ZBTB16: variants seen among roughly 807,000 people sequenced by gnomAD.
ZBTB16 encodes zinc finger and BTB domain-containing protein 16.
ZBTB16 carries 8 observed loss-of-function variants against 56.8 expected under a neutral mutation model. The observed-to-expected ratio is 0.14, with a 90% CI of 0.08 to 0.25. ZBTB16 has a LOEUF of 0.25. Among genes scored for constraint, ZBTB16 ranks in the 10% least tolerant of loss-of-function variants. The probability of loss-of-function intolerance (pLI) is 1.00; values close to 1 mark genes in which losing one functional copy is unlikely to be tolerated. For missense variants in ZBTB16, 625 were observed against 903.0 expected (o/e 0.69, Z 3.95); for synonymous variants, 363 against 368.5 (o/e 0.98, Z 0.17).
intron 6 of ZBTB16, 40 bp downstream of exon 6, chr11:114,247,405 C>A: frequency 6.2e-7 from 1 of 1,613,452 alleles, no homozygotes; most frequent in Non-Finnish European, 8.5e-7. Context: ...GGCTCTGGGA[C>A]CTGGGCGGAG....
At chr11:114,227,524 A>G (rs888734555) in intron 4 of ZBTB16, among the ~76,000 whole-genome samples, 1 of 152,232 alleles carries the variant, frequency 6.6e-6, no homozygotes, top group Admixed American at 6.5e-5. Context: ...TGTCAGAACC[A>G]AGAGATAGAG....
intron 4 of ZBTB16, among the ~76,000 whole-genome samples, chr11:114,196,517 C>T (rs1045680793): frequency 1.3e-5 from 2 of 152,194 alleles, no homozygotes; most frequent in Non-Finnish European, 2.9e-5. Flanking sequence ...GAATTCAGCT[C>T]TCTCCTCCAG....
At chr11:114,088,361 C>G (rs945790917) in intron 2 of ZBTB16, among the ~76,000 whole-genome samples, 1 of 152,064 alleles carries the variant, frequency 6.6e-6, no homozygotes, top group East Asian at 1.9e-4. Flanking sequence ...AGGCTGGTCC[C>G]CAACTCCTCG....
At chr11:114,165,219 A>G (rs1317808013) in intron 3 of ZBTB16, among the ~76,000 whole-genome samples, 2 of 151,910 alleles carry the variant, frequency 1.3e-5, no homozygotes, top group Non-Finnish European at 2.9e-5. Flanking sequence ...TGTCCCTAGA[A>G]TGCTCCCAGC....
intron 3 of ZBTB16, among the ~76,000 whole-genome samples, chr11:114,174,658 TGAAA>T (rs1282615782): frequency 6.6e-6 from 1 of 152,180 alleles, no homozygotes; most frequent in African/African-American, 2.4e-5. Flanking sequence ...TTTCAACAAA[TGAAA>T]GAAATAAAGC....
intron 4 of ZBTB16, among the ~76,000 whole-genome samples, chr11:114,199,451 G>A (rs1030931206): frequency 6.6e-6 from 1 of 152,266 alleles, no homozygotes; most frequent in Admixed American, 6.5e-5. Flanking sequence ...CATGGATGCC[G>A]CTGGGCAGTG....
At chr11:114,067,865 C>G (rs946273115) in intron 2 of ZBTB16, among the ~76,000 whole-genome samples, 4 of 151,982 alleles carry the variant, frequency 2.6e-5, no homozygotes, top group African/African-American at 9.7e-5. Flanking sequence ...GATCAACAGC[C>G]CCTCGGGTCC....
intron 4 of ZBTB16, among the ~76,000 whole-genome samples, chr11:114,218,179 G>A (rs965017582): frequency 6.6e-6 from 1 of 152,220 alleles, no homozygotes; most frequent in Non-Finnish European, 1.5e-5. Flanking sequence ...AGAAGGACCT[G>A]CTGTGCTGCA....
At chr11:114,231,744 G>A (rs1425982738) in intron 4 of ZBTB16, among the ~76,000 whole-genome samples, 1 of 152,124 alleles carries the variant, frequency 6.6e-6, no homozygotes, top group Admixed American at 6.5e-5. Context: ...ATTCTCTTTA[G>A]CTAAAAGAAG....
intron 2 of ZBTB16, among the ~76,000 whole-genome samples, chr11:114,125,277 T>C (rs1272543155): frequency 6.6e-6 from 1 of 152,240 alleles, no homozygotes; most frequent in African/African-American, 2.4e-5. Flanking sequence ...CAGAAAAGTT[T>C]CAAGAATAAT....
chr11:114,080,380 C>G (rs1474980773), intron 2 of ZBTB16, among the ~76,000 whole-genome samples: 1 of 152,128 alleles, frequency 6.6e-6, no homozygotes, highest in Non-Finnish European at 1.5e-5. Context: ...GGACTCGGCT[C>G]TTTTGTGACC....
intron 2 of ZBTB16, among the ~76,000 whole-genome samples, chr11:114,105,392 A>C (rs1940755268): frequency 6.6e-6 from 1 of 152,030 alleles, no homozygotes; most frequent in Non-Finnish European, 1.5e-5. Context: ...AGGCATTGCC[A>C]CTACGCCCAG....
chr11:114,066,136 A>G (rs945271097), intron 2 of ZBTB16, among the ~76,000 whole-genome samples: 1 of 151,302 alleles, frequency 6.6e-6, no homozygotes, highest in South Asian at 2.1e-4. Flanking sequence ...CTCCCCCTTC[A>G]CCCCCATTCC....
intron 2 of ZBTB16, among the ~76,000 whole-genome samples, chr11:114,075,111 C>T (rs1939499847): frequency 6.6e-6 from 1 of 152,114 alleles, no homozygotes; most frequent in African/African-American, 2.4e-5. Context: ...GATTCCTTTT[C>T]TTTTTTCTTT....
At chr11:114,233,053 C>CCCCCTTT (rs1944475041) in intron 4 of ZBTB16, among the ~76,000 whole-genome samples, 1 of 127,044 alleles carries the variant, frequency 7.9e-6, no homozygotes. Flanking sequence ...ACCCACTCTA[C>CCCCCTTT]TGCACATACG....
chr11:114,236,360 A>T (rs1944589897), intron 4 of ZBTB16, among the ~76,000 whole-genome samples: 1 of 152,210 alleles, frequency 6.6e-6, no homozygotes, highest in Non-Finnish European at 1.5e-5. Context: ...TAGGATCACA[A>T]ATCCAAGAAG....
chr11:114,199,090 G>C (rs1943671449), intron 4 of ZBTB16, among the ~76,000 whole-genome samples: 1 of 152,282 alleles, frequency 6.6e-6, no homozygotes, highest in African/African-American at 2.4e-5. Flanking sequence ...GCCAGACATG[G>C]ATGCTGGGTC....
At chr11:114,117,155 G>A (rs182340059) in intron 2 of ZBTB16, among the ~76,000 whole-genome samples, 5 of 152,238 alleles carry the variant, frequency 3.3e-5, no homozygotes, top group Admixed American at 3.3e-4. Context: ...GCCGGGGGAA[G>A]GAGGGAGAGA....
At chr11:114,160,169 CTCCAG>C (rs1364278428) in intron 3 of ZBTB16, among the ~76,000 whole-genome samples, 1 of 152,200 alleles carries the variant, frequency 6.6e-6, no homozygotes, top group Non-Finnish European at 1.5e-5. Context: ...GTAGTCCTGG[CTCCAG>C]GCCAGGCCTG....
Sources: gnomAD v4.1 joint callset for allele counts (sites outside exome capture counted in the v4.1 genomes callset) on GRCh38, gnomAD v4.1.1 for gene constraint, MANE v1.5 for transcripts, NCBI Gene and HGNC (gene_info 2026-07-23, HGNC 2026-07-21) for gene names.